NTM: variants seen among roughly 807,000 people sequenced by gnomAD.
The protein encoded by NTM is IgLON family member 2.
NTM carries 13 observed loss-of-function variants against 42.1 expected under a neutral mutation model. That is an observed-to-expected ratio of 0.31 (90% CI 0.20 to 0.49). NTM has a LOEUF of 0.49. Among genes scored for constraint, NTM ranks in the 20% least tolerant of loss-of-function variants. The pLI is 0.99. For synonymous variants in NTM, 187 were observed against 179.2 expected, an observed-to-expected ratio of 1.04 and a Z score of -0.35; for missense variants, 373 against 452.8, an observed-to-expected ratio of 0.82 and a Z score of 1.60.
intron 4 of NTM, among the ~76,000 whole-genome samples, chr11:132,280,716 C>G (rs1454345944): frequency 6.6e-6 from 1 of 152,012 alleles, no homozygotes; most frequent in East Asian, 1.9e-4. Flanking sequence ...GAATGGCTGA[C>G]CTCAGGTGAT....
At chr11:131,890,353 T>C (rs2051125121) in intron 1 of NTM, among the ~76,000 whole-genome samples, 1 of 152,168 alleles carries the variant, frequency 6.6e-6, no homozygotes, top group African/African-American at 2.4e-5. Context: ...AAATGTGAAG[T>C]CTGCTCATGA....
In NTM at chr11:132,318,647, C is replaced by T. The variant is rs111824136; in HGVS notation, c.934+3944C>T. On this transcript the variant is annotated intron_variant, in intron 7 of 8. Transcript: ENST00000683400. ...GCAAGCAGTGGAATAAAATGGGTGCCGCGTGCACTGCTGTCACCCTGAGGA... is the reference window on the plus strand; with the variant it reads ...GCAAGCAGTGGAATAAAATGGGTGCTGCGTGCACTGCTGTCACCCTGAGGA... Among the ~76,000 whole-genome samples the T allele has an allele frequency of 1.3e-3, 203 of 152,282 alleles. 1 individual carries two copies. The highest frequency in any genetic ancestry group is 2.1e-3 in the Non-Finnish European group (144 of 68,020).
intron 1 of NTM, among the ~76,000 whole-genome samples, chr11:131,648,870 A>T (rs898617757): frequency 6.6e-6 from 1 of 152,202 alleles, no homozygotes; most frequent in African/African-American, 2.4e-5. Flanking sequence ...CTTTTTAAGG[A>T]ATATTCAGGA....
chr11:131,494,194 T>C, intron 1 of NTM, among the ~76,000 whole-genome samples: 1 of 152,204 alleles, frequency 6.6e-6, no homozygotes, highest in South Asian at 2.1e-4. Context: ...ATTATTTTCA[T>C]CATCAGTTTT....
At chr11:131,456,229 G>C (rs11222628) in intron 1 of NTM, among the ~76,000 whole-genome samples, 4 of 152,138 alleles carry the variant, frequency 2.6e-5, no homozygotes, top group Non-Finnish European at 5.9e-5. Context: ...GTAGCAGCAG[G>C]TTGTTTCAGT....
chr11:131,714,637 C>T (rs2077502923), intron 1 of NTM, among the ~76,000 whole-genome samples: 1 of 152,202 alleles, frequency 6.6e-6, no homozygotes, highest in South Asian at 2.1e-4. Flanking sequence ...TTCTACCTTG[C>T]TCATGTCTGA....
rs549712697 is a variant in NTM at position 131,796,478 on chromosome 11, C to T, written c.83-115086C>T. ...CTGCTGCCAGTATGAAGGGCCTTTG[C>T]AGGGAAAATGCCACAGGAACCGCAG... On this transcript the variant is annotated intron_variant, in intron 1 of 8. Transcript: ENST00000683400. Among the ~76,000 whole-genome samples, 3 of 152,318 alleles carry T rather than the reference C, an allele frequency of 2.0e-5. No individual in the cohort carries two copies. In the East Asian group the frequency reaches 5.8e-4, roughly 29 times the overall value.
At chr11:131,505,752 G>T (rs541688946) in intron 1 of NTM, among the ~76,000 whole-genome samples, 1 of 152,294 alleles carries the variant, frequency 6.6e-6, no homozygotes, top group Middle Eastern at 3.4e-3. Flanking sequence ...GATCCGAAAT[G>T]CCCAGGGTGC....
intron 1 of NTM, among the ~76,000 whole-genome samples, chr11:131,725,267 C>A (rs2078822352): frequency 6.6e-6 from 1 of 151,894 alleles, no homozygotes; most frequent in African/African-American, 2.4e-5. Flanking sequence ...TATTAATGAA[C>A]AAAATAGAAA....
At chr11:131,719,302 C>T (rs1285035345) in intron 1 of NTM, among the ~76,000 whole-genome samples, 5 of 152,146 alleles carry the variant, frequency 3.3e-5, no homozygotes, top group African/African-American at 9.7e-5. Context: ...TGGTCAGAAA[C>T]AGAAGTCCAC....
At chr11:132,289,625 G>C (rs993668415) in intron 4 of NTM, among the ~76,000 whole-genome samples, 3 of 152,200 alleles carry the variant, frequency 2.0e-5, no homozygotes, top group African/African-American at 7.2e-5. Context: ...CCAGGGAAAA[G>C]TGGTGAGAAG....
chr11:131,564,891 T>C (rs1438330869), intron 1 of NTM, among the ~76,000 whole-genome samples: 2 of 152,154 alleles, frequency 1.3e-5, no homozygotes, highest in Non-Finnish European at 2.9e-5. Context: ...ACCTTTCTTC[T>C]GTAAGTGAAG....
chr11:131,809,902 G>A (rs10791172), intron 1 of NTM, among the ~76,000 whole-genome samples: 93,376 of 151,986 alleles, frequency 0.61, 30,031 homozygotes, highest in East Asian at 0.83. Context: ...CTGCCTTGAC[G>A]TGGATGTATG....
intron 1 of NTM, among the ~76,000 whole-genome samples, chr11:131,506,738 T>C (rs2047539728): frequency 6.6e-6 from 1 of 152,214 alleles, no homozygotes; most frequent in African/African-American, 2.4e-5. Flanking sequence ...AAAAGTGCTC[T>C]TCACTTCCTC....
chr11:132,216,576 G>A (rs1293571172), intron 4 of NTM, among the ~76,000 whole-genome samples: 1 of 152,186 alleles, frequency 6.6e-6, no homozygotes. Context: ...AGCCCTGCAA[G>A]GTGTTCACAG....
chr11:131,381,361 CA>C (rs1336150203), intron 1 of NTM, among the ~76,000 whole-genome samples: 1 of 152,166 alleles, frequency 6.6e-6, no homozygotes, highest in African/African-American at 2.4e-5. Context: ...TCAGCCCAGT[CA>C]TGGAATGGAT....
At chr11:131,795,248 G>A in intron 1 of NTM, 7 of 444,678 alleles carry the variant, frequency 1.6e-5, no homozygotes, top group Non-Finnish European at 2.1e-5. Context: ...TTCTTCATTT[G>A]AAAAATAGGA....
intron 1 of NTM, among the ~76,000 whole-genome samples, chr11:131,615,619 C>T (rs1283547509): frequency 1.3e-5 from 2 of 152,188 alleles, no homozygotes; most frequent in African/African-American, 4.8e-5. Flanking sequence ...ATCCACCCTC[C>T]TCAGCCTCCC....
chr11:132,149,891 C>G (rs7948935), intron 3 of NTM, among the ~76,000 whole-genome samples: 9,437 of 152,236 alleles, frequency 0.062, 452 homozygotes, highest in Middle Eastern at 0.14. Context: ...AACCAAACAA[C>G]ATTTAAAATT....
Sources: gnomAD v4.1 joint callset for allele counts (sites outside exome capture counted in the v4.1 genomes callset) on GRCh38, gnomAD v4.1.1 for gene constraint, MANE v1.5 for transcripts, NCBI Gene and HGNC (gene_info 2026-07-23, HGNC 2026-07-21) for gene names.